The following PLAC1 variants were observed in gnomAD, a reference collection of about 807,000 sequenced individuals.
PLAC1 encodes the protein placenta associated 1.
For synonymous variants in PLAC1, 68 were observed against 62.1 expected (o/e 1.09, Z -0.44); for missense variants, 136 against 163.2 (o/e 0.83, Z 0.91).
chrX:134,588,714 G>A (rs1361588242), intron 2 of PLAC1, among the ~76,000 whole-genome samples: 1 of 110,879 alleles, frequency 9.0e-6, no homozygotes, highest in Non-Finnish European at 1.9e-5. Context: ...ATTCAATCAA[G>A]AGTAGCAGAG....
At chrX:134,579,024 T>G (rs1217811702) in intron 2 of PLAC1, among the ~76,000 whole-genome samples, 2 of 111,527 alleles carry the variant, frequency 1.8e-5, no homozygotes, top group Non-Finnish European at 3.8e-5. Context: ...TTGCAATGTC[T>G]TAAGTGATTA....
intron 1 of PLAC1, among the ~76,000 whole-genome samples, chrX:134,617,200 G>A (rs1328164523): frequency 9.0e-6 from 1 of 110,922 alleles, no homozygotes; most frequent in Non-Finnish European, 1.9e-5. Flanking sequence ...TGTTGGCCAG[G>A]CTGGTCTCGA....
intron 2 of PLAC1, among the ~76,000 whole-genome samples, chrX:134,689,949 C>T (rs187423269): frequency 5.3e-4 from 59 of 112,147 alleles, no homozygotes; most frequent in African/African-American, 1.8e-3. Flanking sequence ...GTGCAACCAT[C>T]ACCACCATCT....
At chrX:134,663,732 T>A (rs969889246) in intron 2 of PLAC1, among the ~76,000 whole-genome samples, 1 of 112,549 alleles carries the variant, frequency 8.9e-6, no homozygotes, top group Admixed American at 9.4e-5. Flanking sequence ...CCTGGGAAAG[T>A]CTTCAGGAAA....
intron 1 of PLAC1, among the ~76,000 whole-genome samples, chrX:134,744,068 A>T (rs1443256706): frequency 9.0e-6 from 1 of 111,412 alleles, no homozygotes; most frequent in African/African-American, 3.3e-5. Context: ...TGGATCACCT[A>T]AGGATAGGAG....
At chrX:134,589,912 T>C (rs1354210242) in intron 2 of PLAC1, among the ~76,000 whole-genome samples, 1 of 109,589 alleles carries the variant, frequency 9.1e-6, no homozygotes, top group Non-Finnish European at 1.9e-5. Flanking sequence ...TAAATACAAA[T>C]GGGCCGGGCG....
At chrX:134,662,056 T>C (rs1003063691), upstream of PLAC1, among the ~76,000 whole-genome samples, 1 of 111,252 alleles carries the variant, frequency 9.0e-6, no homozygotes, top group Non-Finnish European at 1.9e-5. Flanking sequence ...CTGGGCAACA[T>C]AGGGAGACCA....
chrX:134,659,310 C>T (rs2078406972), upstream of PLAC1, among the ~76,000 whole-genome samples: 1 of 111,406 alleles, frequency 9.0e-6, no homozygotes. Flanking sequence ...ATTGTTTTTT[C>T]AAAAATTTAA....
At chrX:134,604,343 C>T (rs1385513034) in intron 1 of PLAC1, 1 of 112,492 alleles carries the variant, frequency 8.9e-6, no homozygotes, top group Non-Finnish European at 1.9e-5. Context: ...ATAAGCTGCC[C>T]TTGGCAGCTA....
intron 2 of PLAC1, among the ~76,000 whole-genome samples, chrX:134,569,373 G>T (rs2077893632): frequency 9.0e-6 from 1 of 111,396 alleles, no homozygotes; most frequent in South Asian, 3.8e-4. Flanking sequence ...GAGTTTAGGG[G>T]TTCATTTAGT....
chrX:134,620,306 A>G (rs180766016), intron 1 of PLAC1, among the ~76,000 whole-genome samples: 1 of 112,397 alleles, frequency 8.9e-6, no homozygotes, highest in African/African-American at 3.2e-5. Flanking sequence ...TTCTTTTACA[A>G]AAATATTAGA....
rs371438935 is a variant in PLAC1 at position 134,624,603 on chromosome X, T to G, written c.-130-22481A>C. Among the ~76,000 whole-genome samples the G allele has an allele frequency of 3.6e-5, 4 of 111,980 alleles. No individual in the cohort carries two copies. The East Asian group carries it at 1.1e-3, about 31-fold the overall frequency. On this transcript the variant is annotated intron_variant, in intron 1 of 2. Coordinates refer to ENST00000359237, the MANE Select transcript of PLAC1 (RefSeq NM_021796.4). ...TGTAAAGTATTACTTTAAAATAAAT[T>G]ATATGATAGTATAAATTTTCACTGA... is the stretch of plus-strand genomic sequence containing the variant.
chrX:134,566,917 C>A (rs2077879894), intron 2 of PLAC1, among the ~76,000 whole-genome samples, 177 bp from the exon 3 acceptor site: 1 of 112,551 alleles, frequency 8.9e-6, no homozygotes, highest in Non-Finnish European at 1.9e-5. Flanking sequence ...TGGACGATTA[C>A]AATGGCTTTT....
intron 2 of PLAC1, among the ~76,000 whole-genome samples, chrX:134,688,209 T>A (rs1265776565): frequency 1.8e-5 from 2 of 111,281 alleles, no homozygotes; most frequent in African/African-American, 6.5e-5. Context: ...CTCATAGAAA[T>A]CAGAGATGAA....
rs184475456 is a variant in PLAC1 at position 134,646,309 on chromosome X, T to G, written c.-131+12019A>C. ...GGGAAATTTTACTTTATTGTGAGAC[T>G]TCTCCAACTACATGGGAGTTTGTCC... On this transcript the variant is annotated intron_variant, in intron 1 of 2. Coordinates refer to ENST00000359237, the MANE Select transcript of PLAC1 (RefSeq NM_021796.4). Among the ~76,000 whole-genome samples the G allele has an allele frequency of 6.2e-5, 7 of 112,237 alleles. No individual in the cohort carries two copies. The Admixed American group carries it at 6.6e-4, about 11-fold the overall frequency.
chrX:134,750,772 C>T (rs2078739085), intron 1 of PLAC1, among the ~76,000 whole-genome samples: 1 of 75,382 alleles, frequency 1.3e-5, no homozygotes, highest in African/African-American at 5.7e-5. Context: ...GCCTGGTTAA[C>T]ATGGTGAAAC....
At chrX:134,729,020 G>A (rs146067871) in intron 2 of PLAC1, among the ~76,000 whole-genome samples, 1,337 of 111,418 alleles carry the variant, frequency 0.012, 17 homozygotes, top group African/African-American at 0.039. Context: ...AGAGCCGTGG[G>A]CCTCTCCACG....
intron 1 of PLAC1, among the ~76,000 whole-genome samples, chrX:134,762,590 G>A (rs1195596815): frequency 1.8e-5 from 2 of 110,558 alleles, no homozygotes; most frequent in Admixed American, 1.9e-4. Flanking sequence ...TGGACTTTGG[G>A]AGGCCGAGGC....
intron 1 of PLAC1, among the ~76,000 whole-genome samples, chrX:134,655,295 G>A (rs1602881931): frequency 9.5e-6 from 1 of 104,815 alleles, no homozygotes; most frequent in Non-Finnish European, 1.9e-5. Flanking sequence ...TTTCAACATA[G>A]TTGCTGTGTA....
Sources: allele counts gnomAD v4.1 joint callset (sites outside exome capture counted in the v4.1 genomes callset), GRCh38; gene constraint gnomAD v4.1.1; transcripts MANE v1.5; gene names NCBI Gene and HGNC (gene_info 2026-07-23, HGNC 2026-07-21).